KCNK10: variants seen among roughly 807,000 people sequenced by gnomAD.
KCNK10 encodes the protein potassium two pore domain channel subfamily K member 10.
KCNK10 carries 25 observed loss-of-function variants against 47.7 expected under a neutral mutation model. That is an observed-to-expected ratio of 0.52 (90% CI 0.38 to 0.73). The LOEUF (loss-of-function observed/expected upper bound fraction) is 0.73, where lower values mean the gene tolerates loss of function less well. KCNK10 is among the 30% of genes least tolerant of loss of function. KCNK10 has a pLI of 0.00. For missense variants in KCNK10, 563 were observed against 714.5 expected (o/e 0.79, Z 2.42); for synonymous variants, 303 against 285.6 (o/e 1.06, Z -0.61).
intron 1 of KCNK10, among the ~76,000 whole-genome samples, chr14:88,287,742 C>T (rs915574044): frequency 2.0e-5 from 3 of 150,148 alleles, no homozygotes; most frequent in African/African-American, 7.4e-5. Context: ...TTTCTTCATC[C>T]ACTCATTGAT....
chr14:88,323,358 TC>T, upstream of KCNK10: 1 of 924,398 alleles, frequency 1.1e-6, no homozygotes, highest in Non-Finnish European at 1.3e-6. Context: ...GCCCCCCACT[TC>T]CCGCTCCCCG....
At position 88,263,256 on chromosome 14, in the gene KCNK10, T is replaced by A. The variant is rs756765409; in HGVS notation, c.348A>T (p.Glu116Asp). ...TCACACAGACATGATCCCGCAGGAA[T>A]TCCGCCTTCTCCAAGGCGATGGTAT... ...QKNTIALEKA[E>D]FLRDHVCVSP... The change falls in exon 2 of 7, where the codon GAA (glutamate) becomes GAT (aspartate). Residue 116 changes from glutamate (E) to aspartate (D), a missense_variant. Coordinates refer to ENST00000319231, the MANE Select transcript of KCNK10 (RefSeq NM_138317.3). The A allele has an allele frequency of 2.5e-6, 4 of 1,614,166 alleles. No homozygotes were observed. Among genetic ancestry groups the A allele is most frequent in the Non-Finnish European group, 3.4e-6 (4 of 1,180,030 alleles).
chr14:88,245,402 C>T (rs995996476), intron 2 of KCNK10, among the ~76,000 whole-genome samples: 2 of 152,080 alleles, frequency 1.3e-5, no homozygotes, highest in Admixed American at 6.5e-5. Flanking sequence ...CAAAGTGAGG[C>T]GGGTCTGTAG....
intron 3 of KCNK10, among the ~76,000 whole-genome samples, chr14:88,239,786 G>A (rs1886399684): frequency 6.6e-6 from 1 of 152,072 alleles, no homozygotes; most frequent in Non-Finnish European, 1.5e-5. Flanking sequence ...TTGAACCCGT[G>A]AGGCGGAGGT....
intron 2 of KCNK10, among the ~76,000 whole-genome samples, chr14:88,252,492 T>C (rs558622685): frequency 6.6e-6 from 1 of 152,310 alleles, no homozygotes; most frequent in East Asian, 1.9e-4. Context: ...GAAATGTTTA[T>C]GGGTCATGCA....
chr14:88,185,495 A>ACT lies in KCNK10; in HGVS notation c.*39_*40insAG, dbSNP rs541020318. The ACT allele has an allele frequency of 1.8e-5, 29 of 1,582,548 alleles. No homozygotes were observed. In the East Asian group the frequency reaches 5.2e-4, roughly 28 times the overall value. On this transcript the variant is annotated 3_prime_UTR_variant, in exon 7 of 7. Coordinates refer to ENST00000319231, the MANE Select transcript of KCNK10 (RefSeq NM_138317.3). The surrounding 1 kb of genome is among the most constrained non-coding windows in gnomAD (Gnocchi z 4.3). ...GTGAATATTAAAAACACACACACAC[A>ACT]CACACACAACGCTCAGTCCAAGACC...
chr14:88,213,933 A>ATTATTATTG (rs1885536855), intron 4 of KCNK10, among the ~76,000 whole-genome samples: 1 of 139,490 alleles, frequency 7.2e-6, no homozygotes, highest in South Asian at 2.2e-4. Context: ...TATTATTATT[A>ATTATTATTG]TTATTATTAT....
rs140290763 is a variant in KCNK10, at chr14:88,323,211, C to A, written c.-413G>T. The A allele has an allele frequency of 4.1e-3, 4,174 of 1,029,860 alleles. 29 individuals carry two copies. The highest frequency in any genetic ancestry group is 0.023 in the South Asian group (629 of 27,032). 63.8% of individuals were successfully genotyped at this position (1,029,860 alleles called of 1,614,324 possible). A position where few individuals can be genotyped will look rare whatever the true frequency, so the allele number is the denominator to read the frequency against. On this transcript the variant is annotated 5_prime_UTR_variant, in exon 1 of 7. Coordinates refer to ENST00000319231, the MANE Select transcript of KCNK10 (RefSeq NM_138317.3). ...GCAGTGTCACTCCAGCCCCCGAAGG[C>A]GTGTGCGCACACACTCCCGCACACA... is the stretch of plus-strand genomic sequence containing the variant.
At chr14:88,255,531 C>CAAA (rs33933825) in intron 2 of KCNK10, among the ~76,000 whole-genome samples, 154 of 140,016 alleles carry the variant, frequency 1.1e-3, no homozygotes, top group East Asian at 4.0e-3. Flanking sequence ...CTGTCTCTAC[C>CAAA]AAAAAAAAAA....
chr14:88,227,248 TA>T (rs1481467066), intron 4 of KCNK10, 126 bp downstream of exon 4: 5 of 781,448 alleles, frequency 6.4e-6, no homozygotes, highest in Non-Finnish European at 9.6e-6. Flanking sequence ...AAACAGAAAA[TA>T]CAATCATAAC....
intron 1 of KCNK10, among the ~76,000 whole-genome samples, chr14:88,274,585 C>T (rs1231737361): frequency 3.2e-5 from 4 of 126,572 alleles, no homozygotes; most frequent in Admixed American, 1.7e-4. Flanking sequence ...GGCTTAAGTC[C>T]GTAACATGTC....
At chr14:88,302,379 G>A (rs765608963) in intron 1 of KCNK10, among the ~76,000 whole-genome samples, 6 of 152,210 alleles carry the variant, frequency 3.9e-5, no homozygotes, top group Non-Finnish European at 8.8e-5. Context: ...TGAGAAAGGA[G>A]TCAACAGGAA....
rs1884410961 is a variant in KCNK10, at chr14:88,182,668, A to AC, written c.*2866dup. 1 of 151,994 alleles carries AC rather than the reference A, an allele frequency of 6.6e-6. No individual in the cohort carries two copies. Among genetic ancestry groups the AC allele is most frequent in the Non-Finnish European group, 1.5e-5 (1 of 67,974 alleles). The allele number at this position is 151,994 out of a possible 1,614,324, so 9.4% of individuals were successfully genotyped here. A position where few individuals can be genotyped will look rare whatever the true frequency, so the allele number is the denominator to read the frequency against. ...AATGGGTTATGTAGAAAATTTTCCC[A>AC]CCCCCAGCCCAAGGTTATGTTTGAT... is the stretch of plus-strand genomic sequence containing the variant. On this transcript the variant is annotated 3_prime_UTR_variant, in exon 7 of 7. Transcript: ENST00000319231.
upstream of KCNK10, among the ~76,000 whole-genome samples, chr14:88,324,511 G>T (rs559167677): frequency 1.3e-5 from 2 of 152,268 alleles, no homozygotes; most frequent in East Asian, 1.9e-4. Flanking sequence ...ACTAAAATTT[G>T]TTGTTCATTC....
intron 5 of KCNK10, among the ~76,000 whole-genome samples, chr14:88,188,426 G>A (rs1884642968): frequency 6.6e-6 from 1 of 152,114 alleles, no homozygotes; most frequent in Non-Finnish European, 1.5e-5. Context: ...TGAACTACAG[G>A]ACAACAGATC....
chr14:88,306,244 G>A (rs762498605), intron 1 of KCNK10, among the ~76,000 whole-genome samples: 5 of 152,100 alleles, frequency 3.3e-5, no homozygotes, highest in African/African-American at 4.8e-5. Flanking sequence ...AACCACTACC[G>A]GAGGCCTAAA....
intron 2 of KCNK10, among the ~76,000 whole-genome samples, chr14:88,244,318 T>C (rs1255782180): frequency 1.3e-5 from 2 of 152,230 alleles, no homozygotes; most frequent in Non-Finnish European, 2.9e-5. Context: ...TATTTTCAAA[T>C]GATCTTAATT....
chr14:88,223,923 G>A (rs140274340), intron 4 of KCNK10, among the ~76,000 whole-genome samples: 3,206 of 152,068 alleles, frequency 0.021, 102 homozygotes, highest in African/African-American at 0.073. Flanking sequence ...GCTCACGCCT[G>A]TAATCCCAGC....
intron 4 of KCNK10, among the ~76,000 whole-genome samples, chr14:88,202,784 C>T (rs534411459): frequency 6.4e-4 from 75 of 116,306 alleles, no homozygotes; most frequent in African/African-American, 2.4e-3. Context: ...TAGAGTCTTC[C>T]GGTTGCGGGG....
Sources: gnomAD v4.1 joint callset for allele counts (sites outside exome capture counted in the v4.1 genomes callset) on GRCh38, gnomAD v4.1.1 for gene constraint, Gnocchi (gnomAD v3.1) non-coding constraint, MANE v1.5 for transcripts, NCBI Gene and HGNC (gene_info 2026-07-23, HGNC 2026-07-21) for gene names.